SCYL2: variants seen among roughly 807,000 people sequenced by gnomAD.
SCYL2 encodes the protein SCY1-like protein 2.
In SCYL2, 36 loss-of-function variants were observed where a neutral mutation model predicts 100.4. That is an observed-to-expected ratio of 0.36 (90% CI 0.27 to 0.47). The LOEUF (loss-of-function observed/expected upper bound fraction) is 0.47. Among genes scored for constraint, SCYL2 ranks in the 20% least tolerant of loss-of-function variants. The probability of loss-of-function intolerance (pLI) is 1.00; values close to 1 mark genes in which losing one functional copy is unlikely to be tolerated. For missense variants in SCYL2, 902 were observed against 1,083.9 expected, an observed-to-expected ratio of 0.83 and a Z score of 2.36; for synonymous variants, 330 against 359.2, an observed-to-expected ratio of 0.92 and a Z score of 0.92.
chr12:100,304,681 G>T (rs1174975669), intron 4 of SCYL2, among the ~76,000 whole-genome samples: 1 of 152,066 alleles, frequency 6.6e-6, no homozygotes, highest in African/African-American at 2.4e-5. Context: ...CGGGCTAAAT[G>T]CCCCAATTAA....
At chr12:100,294,838 G>A (rs1372934029) in intron 3 of SCYL2, among the ~76,000 whole-genome samples, 2 of 148,890 alleles carry the variant, frequency 1.3e-5, no homozygotes, top group African/African-American at 2.5e-5. Context: ...GCTGCTGGGC[G>A]GAGACGCTCC....
rs1383257245 is a variant in SCYL2 at position 100,340,069 on chromosome 12, A to G, written c.*897A>G. The stretch of plus-strand genomic sequence containing the variant: ...AAAGAAGATTTGTAAGAATTAAACT[A>G]TATTTATGAGTAAACTTTTGAGGTT... On this transcript the variant is annotated 3_prime_UTR_variant, in exon 18 of 18. Transcript: ENST00000360820. 1.3e-5 allele frequency: 2 copies of G among 152,608 alleles called. No individual in the cohort carries two copies. Among genetic ancestry groups the G allele is most frequent in the East Asian group, 1.9e-4 (1 of 5,200 alleles). 9.5% of individuals were successfully genotyped at this position (152,608 alleles called of 1,614,324 possible).
chr12:100,333,974 GAT>G (rs1471318819), intron 13 of SCYL2, 190 bp from the exon 14 acceptor site: 2 of 463,198 alleles, frequency 4.3e-6, no homozygotes, highest in African/African-American at 2.0e-5. Flanking sequence ...CATCACCAAA[GAT>G]ATTATAAAAG....
chr12:100,298,242 C>T, intron 4 of SCYL2, 67 bp downstream of exon 4: 1 of 1,154,454 alleles, frequency 8.7e-7, no homozygotes. Context: ...GCATTTCAAA[C>T]TTATTAACCA....
chr12:100,313,781 A>T (rs1209916735), intron 7 of SCYL2, among the ~76,000 whole-genome samples: 8 of 152,172 alleles, frequency 5.3e-5, no homozygotes, highest in Admixed American at 3.9e-4. Context: ...GAAAATTAAG[A>T]TTTCAAATAA....
At chr12:100,310,068 A>G (rs2096340287) in intron 4 of SCYL2, among the ~76,000 whole-genome samples, 1 of 151,656 alleles carries the variant, frequency 6.6e-6, no homozygotes, top group Non-Finnish European at 1.5e-5. Flanking sequence ...GCACAATCTC[A>G]GCTCACTACA....
chr12:100,294,362 G>T (rs2096314838), intron 3 of SCYL2, among the ~76,000 whole-genome samples: 1 of 116,872 alleles, frequency 8.6e-6, no homozygotes. Flanking sequence ...TCCCAGACGG[G>T]GCGGCTGGCC....
chr12:100,294,435 C>G (rs1338080722), intron 3 of SCYL2, among the ~76,000 whole-genome samples: 1 of 52,694 alleles, frequency 1.9e-5, no homozygotes. Flanking sequence ...CGGGGGGGCT[C>G]CTCACTTCCC....
chr12:100,331,608 T>G (rs2135935737), intron 13 of SCYL2, among the ~76,000 whole-genome samples: 1 of 152,156 alleles, frequency 6.6e-6, no homozygotes, highest in South Asian at 2.1e-4. Context: ...ACCCTGTCTC[T>G]AATTCTGTTT....
At position 100,298,066 on chromosome 12, in the gene SCYL2, C is replaced by T. The variant is rs759603098; in HGVS notation, c.371C>T (p.Ala124Val). Residue 124 changes from alanine (A) to valine (V), a missense_variant, in exon 4 of 18, where the codon GCC (alanine) becomes GTC (valine). Ala to Val is a moderately conservative substitution (Grantham distance 64). Coordinates refer to ENST00000360820, the MANE Select transcript of SCYL2 (RefSeq NM_017988.6). ...CLAFCTEPVF[A>V]SLANVLGNWE... is the part of the protein sequence containing the mutation. ...GCATTTTGTACAGAACCAGTTTTTG[C>T]CAGTTTAGCCAATGTTCTTGGTAAC... is the stretch of plus-strand genomic sequence containing the variant. 7 of 1,610,936 alleles carry T rather than the reference C, an allele frequency of 4.3e-6. No homozygotes were observed. In the East Asian group the frequency reaches 1.6e-4, roughly 36 times the overall value.
At chr12:100,278,172 G>A (rs550066867) in intron 1 of SCYL2, among the ~76,000 whole-genome samples, 2 of 151,964 alleles carry the variant, frequency 1.3e-5, no homozygotes, top group East Asian at 1.9e-4. Context: ...TTATTATTCT[G>A]GTTTAAAAAC....
intron 2 of SCYL2, among the ~76,000 whole-genome samples, chr12:100,284,136 A>G (rs1265274347): frequency 6.6e-6 from 1 of 152,246 alleles, no homozygotes; most frequent in Non-Finnish European, 1.5e-5. Context: ...TAACAAATTT[A>G]TAAAATTAGA....
intron 2 of SCYL2, among the ~76,000 whole-genome samples, chr12:100,290,149 ATTAT>A (rs2096308890): frequency 6.6e-6 from 1 of 152,148 alleles, no homozygotes. Context: ...TATTCATACT[ATTAT>A]TTATTCTTTT....
intron 4 of SCYL2, among the ~76,000 whole-genome samples, chr12:100,308,597 C>G (rs1566359480): frequency 6.6e-6 from 1 of 152,124 alleles, no homozygotes; most frequent in African/African-American, 2.4e-5. Flanking sequence ...GTAAAAAAAA[C>G]TGCACATTCT....
intron 1 of SCYL2, among the ~76,000 whole-genome samples, chr12:100,268,054 G>C (rs1198857549): frequency 6.6e-6 from 1 of 152,184 alleles, no homozygotes; most frequent in African/African-American, 2.4e-5. Flanking sequence ...TGGACTTTGA[G>C]CACATACCTG....
intron 4 of SCYL2, among the ~76,000 whole-genome samples, chr12:100,310,178 T>C (rs2096340435): frequency 6.6e-6 from 1 of 152,142 alleles, no homozygotes; most frequent in South Asian, 2.1e-4. Context: ...TTTGTGTTTT[T>C]AGTATTGACG....
At chr12:100,303,814 C>T (rs1330934872) in intron 4 of SCYL2, among the ~76,000 whole-genome samples, 1 of 152,182 alleles carries the variant, frequency 6.6e-6, no homozygotes, top group Admixed American at 6.5e-5. Flanking sequence ...GCTCTCTTTA[C>T]AGCCAGTAGG....
At position 100,298,098 on chromosome 12, in the gene SCYL2, A is replaced by T. The variant is rs531296969; in HGVS notation, c.403A>T (p.Asn135Tyr). The T allele has an allele frequency of 3.1e-6, 5 of 1,610,164 alleles. No individual in the cohort carries two copies. The Admixed American group carries it at 6.7e-5, about 22-fold the overall frequency. Residue 135 changes from asparagine (N) to tyrosine (Y), a missense_variant, in exon 4 of 18, where the codon AAT becomes TAT. By Grantham distance (143) the Asn-to-Tyr change is moderately radical. Coordinates refer to ENST00000360820, the MANE Select transcript of SCYL2 (RefSeq NM_017988.6). ...SLANVLGNWE[N>Y]LPSPISPDIK... Reference sequence around the variant, plus strand: ...AGCCAATGTTCTTGGTAACTGGGAAAATCTACCTTCCCCTATATCTCCAGA... The same window carrying T: ...AGCCAATGTTCTTGGTAACTGGGAATATCTACCTTCCCCTATATCTCCAGA...
chr12:100,321,473 A>G (rs2096355678), intron 10 of SCYL2, among the ~76,000 whole-genome samples: 1 of 152,140 alleles, frequency 6.6e-6, no homozygotes, highest in African/African-American at 2.4e-5. Context: ...TTAGTTCCCT[A>G]GCCCCCAGTC....
Sources: gnomAD v4.1 joint callset for allele counts (sites outside exome capture counted in the v4.1 genomes callset) on GRCh38, gnomAD v4.1.1 for gene constraint, MANE v1.5 for transcripts, NCBI Gene and HGNC (gene_info 2026-07-23, HGNC 2026-07-21) for gene names.